CBLB: variants seen among roughly 807,000 people sequenced by gnomAD.
CBLB encodes Cbl proto-oncogene B, also known as E3 ubiquitin-protein ligase CBL-B.
Under a neutral mutation model 104.9 loss-of-function variants are expected in CBLB, and 31 were observed. The ratio of observed to expected loss-of-function variants is 0.30; its 90% confidence interval spans 0.22 to 0.40. The LOEUF (loss-of-function observed/expected upper bound fraction) is 0.40. Ranked by LOEUF, CBLB falls within the 10% of genes least tolerant of loss-of-function variation. CBLB has a pLI of 1.00. For synonymous variants in CBLB, 440 were observed against 422.6 expected (o/e 1.04, Z -0.51); for missense variants, 1,062 against 1,214.6 (o/e 0.87, Z 1.87).
chr3:105,686,509 G>C (rs562142083), intron 13 of CBLB, among the ~76,000 whole-genome samples: 7 of 151,368 alleles, frequency 4.6e-5, no homozygotes, highest in African/African-American at 1.5e-4. Context: ...TCTATAGAGG[G>C]AGCAAGAGGC....
chr3:105,869,122 G>T (rs1471953065), upstream of CBLB: 2 of 864,618 alleles, frequency 2.3e-6, no homozygotes. Flanking sequence ...CCCGACAGCG[G>T]GTGCAGCCAA....
chr3:105,722,321 C>G (rs1202611626), intron 9 of CBLB, among the ~76,000 whole-genome samples: 2 of 151,798 alleles, frequency 1.3e-5, no homozygotes, highest in Non-Finnish European at 2.9e-5. Context: ...TACATAGTCT[C>G]ATACATTTAA....
intron 10 of CBLB, among the ~76,000 whole-genome samples, chr3:105,712,039 G>T (rs1476397886): frequency 1.3e-5 from 2 of 152,186 alleles, no homozygotes; most frequent in African/African-American, 4.8e-5. Context: ...TCTCACACTT[G>T]GGGATAACCT....
intron 3 of CBLB, among the ~76,000 whole-genome samples, chr3:105,834,091 G>A (rs1462242454): frequency 6.6e-6 from 1 of 151,538 alleles, no homozygotes; most frequent in Non-Finnish European, 1.5e-5. Context: ...CTGGGGTGGG[G>A]GTGGGCAGTT....
At chr3:105,780,192 A>C (rs758079371) in intron 3 of CBLB, among the ~76,000 whole-genome samples, 9 of 152,168 alleles carry the variant, frequency 5.9e-5, no homozygotes, top group Admixed American at 2.6e-4. Context: ...CAATTTTGAA[A>C]ATAAAACAAT....
intron 3 of CBLB, among the ~76,000 whole-genome samples, chr3:105,801,264 T>C (rs922293739): frequency 6.6e-6 from 1 of 152,196 alleles, no homozygotes; most frequent in Non-Finnish European, 1.5e-5. Context: ...TAATAGCTTA[T>C]AAAACCTAGG....
At chr3:105,683,399 C>T (rs1012008647) in intron 14 of CBLB, among the ~76,000 whole-genome samples, 4 of 152,202 alleles carry the variant, frequency 2.6e-5, no homozygotes, top group East Asian at 1.9e-4. Context: ...GGATTATCAA[C>T]GTTTATTACT....
At chr3:105,794,107 G>A (rs1169636057) in intron 3 of CBLB, among the ~76,000 whole-genome samples, 1 of 152,104 alleles carries the variant, frequency 6.6e-6, no homozygotes, top group Non-Finnish European at 1.5e-5. Flanking sequence ...AACTGAAAAT[G>A]TAACACAAAA....
chr3:105,862,304 T>C (rs2092154467), intron 2 of CBLB, among the ~76,000 whole-genome samples: 1 of 152,232 alleles, frequency 6.6e-6, no homozygotes, highest in African/African-American at 2.4e-5. Flanking sequence ...GAACTTAGCA[T>C]GGCCAAAAAC....
chr3:105,816,224 G>T (rs968613857), intron 3 of CBLB, among the ~76,000 whole-genome samples: 6 of 151,866 alleles, frequency 4.0e-5, no homozygotes, highest in Non-Finnish European at 1.5e-5. Context: ...AAAAAAAATT[G>T]CATGATGTCA....
intron 14 of CBLB, among the ~76,000 whole-genome samples, chr3:105,684,419 T>G (rs534741631): frequency 6.6e-6 from 1 of 152,286 alleles, no homozygotes; most frequent in African/African-American, 2.4e-5. Flanking sequence ...GATAAAGTAA[T>G]ATTTCAATAC....
At chr3:105,668,154 C>CA (rs1367355175) in intron 18 of CBLB, among the ~76,000 whole-genome samples, 1 of 152,174 alleles carries the variant, frequency 6.6e-6, no homozygotes. Context: ...GCTGGGCCCT[C>CA]AGAGTAATAG....
Position 105,685,313 on chromosome 3 carries a change from C to G in CBLB, c.2201+7G>C. 1 of 1,613,442 alleles carries G rather than the reference C, an allele frequency of 6.2e-7. No homozygotes were observed. On this transcript the variant is annotated splice_region_variant and intron_variant, in intron 14 of 18. Coordinates refer to ENST00000394030, the MANE Select transcript of CBLB (RefSeq NM_170662.5). ...TGTAAGTGGCAAAAATCTGCCCATA[C>G]TCTTACCGAACAGGAGGTTTTACAT...
intron 17 of CBLB, 137 bp downstream of exon 17, chr3:105,678,294 C>T (rs1182761399): frequency 2.5e-6 from 2 of 811,478 alleles, no homozygotes; most frequent in African/African-American, 3.4e-5. Flanking sequence ...CCCACGATTG[C>T]TACTTTTACC....
rs2152738650 is a variant in CBLB, at chr3:105,685,431, T to G, written c.2090A>C (p.Lys697Thr). 6.2e-7 allele frequency: 1 copy of G among 1,613,502 alleles called. No homozygotes were observed. Among genetic ancestry groups the G allele is most frequent in the East Asian group, 2.2e-5 (1 of 44,790 alleles). ...ATCTTCCTCTACTGGGTCTCTTGTTTTCTCTGAAAGAGAATTTGCTAACGG... is the reference window on the plus strand; with the variant it reads ...ATCTTCCTCTACTGGGTCTCTTGTTGTCTCTGAAAGAGAATTTGCTAACGG... ...TGPLANSLSE[K>T]TRDPVEEDDD... The change falls in exon 14 of 19, where the codon AAA (lysine) becomes ACA (threonine). Residue 697 changes from lysine (K) to threonine (T), a missense_variant. Lys to Thr is a moderately conservative substitution (Grantham distance 78). This residue lies in a region of CBLB where 605 missense variants were observed against 582.6 expected (regional missense o/e 1.04). Transcript: ENST00000394030.
Position 105,868,934 on chromosome 3 carries a change from C to T in CBLB, c.-213G>A, listed in dbSNP as rs1291070934. 2 of 1,024,810 alleles carry T rather than the reference C, an allele frequency of 2.0e-6. No individual in the cohort carries two copies. Among genetic ancestry groups the T allele is most frequent in the Non-Finnish European group, 2.3e-6 (2 of 855,520 alleles). 63.5% of individuals were successfully genotyped at this position (1,024,810 alleles called of 1,614,324 possible). ...TACCGTCAAGACAAATCCACACCCG[C>T]TCTCCCCTCCCGCCCGACTCGGGGA... is the stretch of plus-strand genomic sequence containing the variant. On this transcript the variant is annotated 5_prime_UTR_variant, in exon 1 of 19. Coordinates refer to ENST00000394030, the MANE Select transcript of CBLB (RefSeq NM_170662.5).
chr3:105,665,416 A>AATAT (rs71111381), intron 18 of CBLB, among the ~76,000 whole-genome samples: 8 of 98,676 alleles, frequency 8.1e-5, no homozygotes, highest in African/African-American at 3.7e-4. Context: ...TAAATAAATA[A>AATAT]ATATATATAT....
At chr3:105,830,024 C>G (rs1347642824) in intron 3 of CBLB, among the ~76,000 whole-genome samples, 2 of 152,138 alleles carry the variant, frequency 1.3e-5, no homozygotes, top group Non-Finnish European at 2.9e-5. Flanking sequence ...AGAATTCTTA[C>G]TCTGGGGAAT....
In CBLB at chr3:105,655,828, A is replaced by T. The variant is rs1229360396; in HGVS notation, c.*3142T>A. On this transcript the variant is annotated 3_prime_UTR_variant, in exon 19 of 19. Transcript: ENST00000394030. ...GTGCAAATCAAAGCTTCAAGTTGAA[A>T]ATCTGAGAGAAAAAATAACGTTCGA... The T allele has an allele frequency of 4.6e-6, 1 of 217,322 alleles. No homozygotes were observed. The highest frequency in any genetic ancestry group is 9.3e-6 in the Non-Finnish European group (1 of 107,984). The allele number at this position is 217,322 out of a possible 1,614,324, so 13.5% of individuals were successfully genotyped here.
Sources: gnomAD v4.1 joint callset for allele counts (sites outside exome capture counted in the v4.1 genomes callset) on GRCh38, gnomAD v4.1.1 for gene constraint, gnomAD v4.1.1 regional missense constraint, MANE v1.5 for transcripts, NCBI Gene and HGNC (gene_info 2026-07-23, HGNC 2026-07-21) for gene names.